The following NAA38 variants were observed in gnomAD, a reference collection of about 807,000 sequenced individuals.
NAA38 encodes N-alpha-acetyltransferase 38, NatC auxiliary subunit.
In NAA38, 15 loss-of-function variants were observed where a neutral mutation model predicts 12.6. That is an observed-to-expected ratio of 1.19 (90% CI 0.79 to 1.83). NAA38 has a LOEUF of 1.83. NAA38 is among the 40% of genes most tolerant of loss of function. The probability of loss-of-function intolerance (pLI) is 0.00; values close to 1 mark genes in which losing one functional copy is unlikely to be tolerated. For synonymous variants in NAA38, 88 were observed against 69.9 expected (o/e 1.26, Z -1.29); for missense variants, 183 against 171.7 (o/e 1.07, Z -0.37).
Position 7,857,039 on chromosome 17 carries a change from C to T in NAA38, c.241G>A (p.Ala81Thr), listed in dbSNP as rs1350818844. 6.2e-7 allele frequency: 1 copy of T among 1,611,402 alleles called. No homozygotes were observed. Among genetic ancestry groups the T allele is most frequent in the Admixed American group, 1.7e-5 (1 of 59,980 alleles). The change falls in exon 2 of 3, where the codon GCG (alanine) becomes ACG (threonine). Residue 81 changes from alanine (A) to threonine (T), a missense_variant. Physicochemically the swap from Ala to Thr is moderately conservative, Grantham distance 58. Transcript: ENST00000575771. The part of the protein sequence containing the change: ...DRDCNVILGS[A>T]QEFLKPSDSF... ...CCCGACGGCTTGAGGAACTCCTGCG[C>T]CGAGCCCAGGATGACATTGCAGTCA...
upstream of NAA38, chr17:7,857,878 G>C: frequency 7.2e-7 from 1 of 1,385,960 alleles, no homozygotes; most frequent in Non-Finnish European, 9.3e-7. Context: ...TCCTGAAAGC[G>C]GCGCAACTCA....
intron 1 of NAA38, chr17:7,884,951 G>T: frequency 7.3e-7 from 1 of 1,377,942 alleles, no homozygotes. Flanking sequence ...GGACGACGAC[G>T]AGGGAGTACT....
chr17:7,859,554 G>A, upstream of NAA38: 1 of 1,614,154 alleles, frequency 6.2e-7, no homozygotes, highest in Non-Finnish European at 8.5e-7. Context: ...AGTATGGACG[G>A]TACACTTCAC....
At chr17:7,858,396 T>C (rs73233615), upstream of NAA38, 5,361 of 1,614,104 alleles carry the variant, frequency 3.3e-3, 159 homozygotes, top group African/African-American at 0.063. Context: ...GTGCTGCTCT[T>C]TTCAAGGGAA....
chr17:7,858,304 A>T (rs1341642104), upstream of NAA38: 1 of 1,613,832 alleles, frequency 6.2e-7, no homozygotes, highest in Non-Finnish European at 8.5e-7. Context: ...GGTAAGGGCC[A>T]CACGTTGGGC....
At chr17:7,867,318 T>C (rs965691174) in intron 2 of NAA38, among the ~76,000 whole-genome samples, 3 of 129,680 alleles carry the variant, frequency 2.3e-5, no homozygotes, top group African/African-American at 8.8e-5. Context: ...CCTTTTATAG[T>C]GTACAGAGTT....
intron 2 of NAA38, among the ~76,000 whole-genome samples, chr17:7,870,988 A>G (rs1300229587): frequency 6.6e-6 from 1 of 152,146 alleles, no homozygotes; most frequent in African/African-American, 2.4e-5. Context: ...CAGCTTCCCA[A>G]AGTGTGGAGA....
chr17:7,857,325 C>T, intron 1 of NAA38, 58 bp downstream of exon 1: 2 of 1,612,780 alleles, frequency 1.2e-6, no homozygotes, highest in South Asian at 2.2e-5. Flanking sequence ...CAGTTCCCCA[C>T]CCCCTCCATC....
At chr17:7,880,358 G>A (rs1967250883) in intron 2 of NAA38, among the ~76,000 whole-genome samples, 3 of 147,824 alleles carry the variant, frequency 2.0e-5, no homozygotes, top group Admixed American at 2.0e-4. Flanking sequence ...GTTAAACTCA[G>A]GAAAACAGGC....
At chr17:7,875,232 G>C (rs1370853457) in intron 2 of NAA38, among the ~76,000 whole-genome samples, 1 of 152,022 alleles carries the variant, frequency 6.6e-6, no homozygotes, top group African/African-American at 2.4e-5. Context: ...CCCTCCATAA[G>C]TAATATTTTA....
At chr17:7,878,876 T>C (rs1967221970) in intron 2 of NAA38, among the ~76,000 whole-genome samples, 2 of 152,022 alleles carry the variant, frequency 1.3e-5, no homozygotes, top group South Asian at 4.1e-4. Flanking sequence ...CATTCTGCCA[T>C]ACAGATCTAT....
At chr17:7,868,132 C>G (rs1967022551) in intron 2 of NAA38, among the ~76,000 whole-genome samples, 1 of 152,102 alleles carries the variant, frequency 6.6e-6, no homozygotes, top group African/African-American at 2.4e-5. Context: ...TGTAGCCAGT[C>G]AAGGATCAGA....
Position 7,856,746 on chromosome 17 carries a change from C to T in NAA38, c.363G>A (p.Gly121=), listed in dbSNP as rs1304823009. 15 of 1,613,712 alleles carry T rather than the reference C, an allele frequency of 9.3e-6. No homozygotes were observed. Among genetic ancestry groups the T allele is most frequent in the Non-Finnish European group, 1.3e-5 (15 of 1,179,860 alleles). ...SIEVQRESLT[G]PPYL is the part of the protein sequence containing the mutation. The stretch of plus-strand genomic sequence containing the variant: ...GCCATCGTGGTCAGAGATACGGAGG[C>T]CCGGTCAGACTCTCCCTCTGCACCT... Residue 121 remains glycine (G), a synonymous_variant, in exon 3 of 3, where the codon GGG becomes GGA. Coordinates refer to ENST00000575771, the MANE Select transcript of NAA38 (RefSeq NM_001320925.4).
At chr17:7,878,620 G>C (rs1373590579) in intron 2 of NAA38, among the ~76,000 whole-genome samples, 2 of 152,244 alleles carry the variant, frequency 1.3e-5, no homozygotes, top group East Asian at 3.9e-4. Flanking sequence ...CAGCTACTCG[G>C]GAGGCTGAGG....
intron 1 of NAA38, chr17:7,885,025 C>CCCGCCGCCGCCGCCGCCGCCGCCG (rs759738955): frequency 8.7e-7 from 1 of 1,149,996 alleles, no homozygotes; most frequent in African/African-American, 1.7e-5. Flanking sequence ...GCCACCTCTT[C>CCCGCCGCCGCCGCCGCCGCCGCCG]CCGCCGCCGC....
intron 2 of NAA38, among the ~76,000 whole-genome samples, chr17:7,867,499 C>T (rs868357365): frequency 5.9e-5 from 9 of 152,040 alleles, no homozygotes; most frequent in Middle Eastern, 6.8e-3. Context: ...CCACCACACC[C>T]GGCTAATTTT....
chr17:7,880,717 G>A (rs1363665247), intron 2 of NAA38, among the ~76,000 whole-genome samples: 1 of 152,148 alleles, frequency 6.6e-6, no homozygotes, highest in Non-Finnish European at 1.5e-5. Flanking sequence ...ATATTTATAG[G>A]GTACTTTTTA....
intron 2 of NAA38, among the ~76,000 whole-genome samples, chr17:7,873,183 C>T (rs1967116555): frequency 6.6e-6 from 1 of 152,178 alleles, no homozygotes; most frequent in African/African-American, 2.4e-5. Flanking sequence ...GAACCCAGAC[C>T]TGTCTCCCAA....
At chr17:7,878,381 T>TA (rs57414300) in intron 2 of NAA38, among the ~76,000 whole-genome samples, 30,793 of 145,388 alleles carry the variant, frequency 0.21, 4,561 homozygotes, top group East Asian at 0.82. Flanking sequence ...CAATAAAATG[T>TA]AAAAAAAAAA....
Sources: allele counts gnomAD v4.1 joint callset (sites outside exome capture counted in the v4.1 genomes callset), GRCh38; gene constraint gnomAD v4.1.1; transcripts MANE v1.5; gene names NCBI Gene and HGNC (gene_info 2026-07-23, HGNC 2026-07-21).